The following TEKT1 variants were observed in gnomAD, a reference collection of about 807,000 sequenced individuals.
TEKT1 encodes tektin-1.
TEKT1 carries 32 observed loss-of-function variants against 34.8 expected under a neutral mutation model. That is an observed-to-expected ratio of 0.92 (90% CI 0.69 to 1.23). The LOEUF (loss-of-function observed/expected upper bound fraction) is 1.23. Among genes scored for constraint, TEKT1 ranks in the 50% most tolerant of loss-of-function variants. TEKT1 has a pLI of 0.00. For synonymous variants in TEKT1, 207 were observed against 199.8 expected (o/e 1.04, Z -0.30); for missense variants, 492 against 518.5 (o/e 0.95, Z 0.50).
intron 5 of TEKT1, among the ~76,000 whole-genome samples, chr17:6,813,846 G>A (rs1231251639): frequency 2.6e-5 from 4 of 151,862 alleles, no homozygotes; most frequent in Admixed American, 6.6e-5. Context: ...TAATCCCCTC[G>A]CCTTGAGTAT....
At chr17:6,817,836 C>A (rs1036889798) in intron 3 of TEKT1, among the ~76,000 whole-genome samples, 1 of 152,206 alleles carries the variant, frequency 6.6e-6, no homozygotes, top group Non-Finnish European at 1.5e-5. Flanking sequence ...GCATAAGCTA[C>A]AGTACCTGGC....
In TEKT1 at chr17:6,807,889, C is replaced by A. The variant is rs374546834; in HGVS notation, c.852+4942G>T. ...GTCAGTCTGCCCCTACTGGGGGGTG[C>A]CTCCCAGTTAGGCTACTCGGGGGTC... On this transcript the variant is annotated intron_variant, in intron 6 of 7. Coordinates refer to ENST00000338694, the MANE Select transcript of TEKT1 (RefSeq NM_053285.2). 8.5e-5 allele frequency among the ~76,000 whole-genome samples: 13 copies of A among 152,268 alleles called. No individual in the cohort carries two copies. The East Asian group carries it at 2.5e-3, about 29-fold the overall frequency.
intron 6 of TEKT1, among the ~76,000 whole-genome samples, chr17:6,805,795 C>T (rs1286540192): frequency 6.6e-6 from 1 of 152,130 alleles, no homozygotes; most frequent in African/African-American, 2.4e-5. Flanking sequence ...GTTTCTTAAT[C>T]CTGAGTTCTA....
chr17:6,819,194 T>C lies in TEKT1; in HGVS notation c.355A>G (p.Arg119Gly), dbSNP rs758949923. The change falls in exon 3 of 8, where the codon AGG (arginine) becomes GGG (glycine). Residue 119 changes from arginine (R) to glycine (G), a missense_variant and splice_region_variant. By Grantham distance (125) the Arg-to-Gly change is moderately radical. Coordinates refer to ENST00000338694, the MANE Select transcript of TEKT1 (RefSeq NM_053285.2). ...CATTTGAGGGACCTTCGCTCCTACC[T>C]GTATGCCAGGCATGTCTCAGTGATG... ...LHITETCLAY[R>G]EKRIGIDLVH... The C allele has an allele frequency of 5.0e-6, 8 of 1,611,658 alleles. No individual in the cohort carries two copies. In the African/African-American group the frequency reaches 6.7e-5, roughly 13 times the overall value.
Position 6,812,930 on chromosome 17 carries a change from A to G in TEKT1, c.753T>C (p.Asn251=), listed in dbSNP as rs1208986599. ...LVDRILSQTA[N]DLRKQCDVVD... is the part of the protein sequence containing the mutation. ...CCACATCACACTGCTTGCGCAGATC[A>G]TTGGCTGTCTGGGACAGGATTCGAT... The change falls in exon 6 of 8, where the codon AAT becomes AAC. Residue 251 remains asparagine, a synonymous_variant. Transcript: ENST00000338694. 6.2e-7 allele frequency: 1 copy of G among 1,614,176 alleles called. No individual in the cohort carries two copies. Among genetic ancestry groups the G allele is most frequent in the South Asian group, 1.1e-5 (1 of 91,086 alleles).
chr17:6,828,665 C>T (rs1904478072), intron 2 of TEKT1, among the ~76,000 whole-genome samples: 1 of 152,132 alleles, frequency 6.6e-6, no homozygotes, highest in Non-Finnish European at 1.5e-5. Context: ...GCCTTACATT[C>T]AATCCCTATG....
At chr17:6,825,553 A>G (rs1282253668) in intron 2 of TEKT1, among the ~76,000 whole-genome samples, 1 of 152,240 alleles carries the variant, frequency 6.6e-6, no homozygotes. Flanking sequence ...ATGTATTTTC[A>G]TAGTGAACAC....
chr17:6,807,936 G>C (rs1176372837), intron 6 of TEKT1, among the ~76,000 whole-genome samples: 2 of 152,220 alleles, frequency 1.3e-5, no homozygotes, highest in African/African-American at 4.8e-5. Flanking sequence ...TGAGGAGGCA[G>C]TCTGTCCGTT....
chr17:6,805,953 G>A (rs1362394455), intron 6 of TEKT1, among the ~76,000 whole-genome samples: 1 of 152,138 alleles, frequency 6.6e-6, no homozygotes, highest in Non-Finnish European at 1.5e-5. Context: ...GTTGATTTGG[G>A]GTGGAGAGTT....
At chr17:6,801,271 T>C (rs948918179) in intron 6 of TEKT1, among the ~76,000 whole-genome samples, 1 of 152,214 alleles carries the variant, frequency 6.6e-6, no homozygotes, top group African/African-American at 2.4e-5. Context: ...CAGGGTACCT[T>C]TGTATCATGA....
At position 6,799,874 on chromosome 17, in the gene TEKT1, G is replaced by A. The variant is rs557354614; in HGVS notation, c.*153C>T. ...CACACCAGCATAAGAGAAGAAACTCGCCCCAAAATCAGCCCCCTGAGCAGG... is the reference window on the plus strand; with the variant it reads ...CACACCAGCATAAGAGAAGAAACTCACCCCAAAATCAGCCCCCTGAGCAGG... On this transcript the variant is annotated 3_prime_UTR_variant, in exon 8 of 8. Coordinates refer to ENST00000338694, the MANE Select transcript of TEKT1 (RefSeq NM_053285.2). 2.6e-4 allele frequency: 163 copies of A among 628,404 alleles called. 1 individual carries two copies. The highest frequency in any genetic ancestry group is 1.8e-4 in the Non-Finnish European group (70 of 381,820). The allele number at this position is 628,404 out of a possible 1,614,324, so 38.9% of individuals were successfully genotyped here. A position where few individuals can be genotyped will look rare whatever the true frequency, so the allele number is the denominator to read the frequency against.
chr17:6,819,044 A>G, intron 3 of TEKT1, 149 bp downstream of exon 3: 1 of 943,106 alleles, frequency 1.1e-6, no homozygotes, highest in Non-Finnish European at 1.5e-6. Flanking sequence ...ACTGCCCAGC[A>G]CCAGGGGCAT....
chr17:6,821,071 T>C (rs1371872345), intron 2 of TEKT1, among the ~76,000 whole-genome samples: 2 of 152,214 alleles, frequency 1.3e-5, no homozygotes, highest in East Asian at 1.9e-4. Flanking sequence ...TCTTTGTATA[T>C]GACCTGTTTT....
intron 2 of TEKT1, 109 bp from the exon 3 acceptor site, chr17:6,819,467 C>T (rs1412202231): frequency 5.4e-6 from 6 of 1,119,302 alleles, no homozygotes; most frequent in Non-Finnish European, 7.4e-6. Flanking sequence ...TGCTCTTTTC[C>T]TCTTAGTGCT....
At chr17:6,807,283 G>T (rs542497538) in intron 6 of TEKT1, among the ~76,000 whole-genome samples, 1 of 151,944 alleles carries the variant, frequency 6.6e-6, no homozygotes, top group African/African-American at 2.4e-5. Flanking sequence ...TTGTGCATTC[G>T]TCACGTAGTT....
At chr17:6,810,640 T>C (rs921749098) in intron 6 of TEKT1, among the ~76,000 whole-genome samples, 1 of 152,268 alleles carries the variant, frequency 6.6e-6, no homozygotes, top group African/African-American at 2.4e-5. Flanking sequence ...CTCACGGCTT[T>C]GCACTGTTGC....
At chr17:6,800,615 C>G in intron 7 of TEKT1, 132 bp downstream of exon 7, 7 of 1,158,720 alleles carry the variant, frequency 6.0e-6, no homozygotes, top group Non-Finnish European at 8.4e-6. Context: ...AGACTTCCCT[C>G]TAGGGGGCAT....
In TEKT1 at chr17:6,802,561, C is replaced by T. The variant is rs113305191; in HGVS notation, c.853-1618G>A. 2.4e-3 allele frequency among the ~76,000 whole-genome samples: 371 copies of T among 151,534 alleles called. 1 individual carries two copies. Among genetic ancestry groups the T allele is most frequent in the African/African-American group, 8.4e-3 (347 of 41,252 alleles). ...GTTTGTTACATATGTATACATGTGC[C>T]ATGTTGGTGTGCTGCACCCATTAAC... On this transcript the variant is annotated intron_variant, in intron 6 of 7. Transcript: ENST00000338694.
At chr17:6,826,958 G>A (rs570297295) in intron 2 of TEKT1, among the ~76,000 whole-genome samples, 1 of 152,194 alleles carries the variant, frequency 6.6e-6, no homozygotes, top group Non-Finnish European at 1.5e-5. Context: ...GCCTCCCAAA[G>A]TGCTGTGATT....
Sources: gnomAD v4.1 joint callset for allele counts (sites outside exome capture counted in the v4.1 genomes callset) on GRCh38, gnomAD v4.1.1 for gene constraint, MANE v1.5 for transcripts, NCBI Gene and HGNC (gene_info 2026-07-23, HGNC 2026-07-21) for gene names.